The following IP6K1 variants were observed in gnomAD, a reference collection of about 807,000 sequenced individuals.
IP6K1 encodes the protein ATP:1D-myo-inositol-hexakisphosphate phosphotransferase.
Under a neutral mutation model 38.3 loss-of-function variants are expected in IP6K1, and 13 were observed. That is an observed-to-expected ratio of 0.34 (90% CI 0.22 to 0.54). The LOEUF (loss-of-function observed/expected upper bound fraction) is 0.54, where lower values mean the gene tolerates loss of function less well. IP6K1 is among the 20% of genes least tolerant of loss of function. The probability of loss-of-function intolerance (pLI) is 0.92; values close to 1 mark genes in which losing one functional copy is unlikely to be tolerated. For missense variants in IP6K1, 397 were observed against 599.8 expected (o/e 0.66, Z 3.53); for synonymous variants, 212 against 229.9 (o/e 0.92, Z 0.70).
rs1160403804 is a variant in IP6K1, at chr3:49,782,946, C to T, written c.-129+3408G>A. ...CCAACATGGCAAAACCCCGGCTCTA[C>T]TAAAAAAAAAAAAAAAAAAAAAAAT... is the stretch of plus-strand genomic sequence containing the variant. On this transcript the variant is annotated intron_variant, in intron 1 of 5. Transcript: ENST00000321599. Among the ~76,000 whole-genome samples, 7 of 109,960 alleles carry T rather than the reference C, an allele frequency of 6.4e-5. No homozygotes were observed. The South Asian group carries it at 9.1e-4, about 14-fold the overall frequency. The allele number at this position is 109,960 out of a possible 152,430, so 72.1% of individuals were successfully genotyped here.
intron 2 of IP6K1, among the ~76,000 whole-genome samples, chr3:49,739,200 C>A (rs1226832856): frequency 1.3e-5 from 2 of 152,106 alleles, no homozygotes. Flanking sequence ...TGTCTGTCAG[C>A]TACATTTCTG....
chr3:49,775,552 TG>T, intron 1 of IP6K1: 2 of 1,019,518 alleles, frequency 2.0e-6, no homozygotes, highest in Non-Finnish European at 1.4e-6. Flanking sequence ...ATTGTCAATT[TG>T]GGGAGCTCTA....
At chr3:49,742,473 C>T (rs13086465) in intron 2 of IP6K1, among the ~76,000 whole-genome samples, 39,731 of 151,914 alleles carry the variant, frequency 0.26, 5,468 homozygotes, top group Non-Finnish European at 0.31. Context: ...GGCGTGAGCC[C>T]GGGAGGCAGA....
At position 49,726,916 on chromosome 3, in the gene IP6K1, G is replaced by T; in HGVS notation, c.*206C>A. ...ACACCAGTCAGAGCCACAAAGCTGAGGAGCCTGGCTGAGAGGGCGTGTGGT... is the reference window on the plus strand; with the variant it reads ...ACACCAGTCAGAGCCACAAAGCTGATGAGCCTGGCTGAGAGGGCGTGTGGT... On this transcript the variant is annotated 3_prime_UTR_variant, in exon 6 of 6. Coordinates refer to ENST00000321599, the MANE Select transcript of IP6K1 (RefSeq NM_153273.4). The T allele has an allele frequency of 1.8e-6, 1 of 559,824 alleles. No homozygotes were observed. Among genetic ancestry groups the T allele is most frequent in the Non-Finnish European group, 3.1e-6 (1 of 325,608 alleles). 34.7% of individuals were successfully genotyped at this position (559,824 alleles called of 1,614,324 possible).
intron 1 of IP6K1, among the ~76,000 whole-genome samples, chr3:49,773,472 G>A (rs1341056073): frequency 2.6e-5 from 4 of 152,236 alleles, no homozygotes; most frequent in East Asian, 1.9e-4. Context: ...TTAGCTGGGC[G>A]TGGTGGCGGG....
Position 49,744,354 on chromosome 3 carries a change from A to G in IP6K1, c.223+3464T>C, listed in dbSNP as rs1043507586. On this transcript the variant is annotated intron_variant, in intron 2 of 5. Transcript: ENST00000321599. ...GGGGCAGAGCTTGCAGTGAGGCGAG[A>G]CTGCGCCACTGCACTCCAACCTGGA... Among the ~76,000 whole-genome samples the G allele has an allele frequency of 1.3e-4, 18 of 137,234 alleles. No individual in the cohort carries two copies. The Admixed American group carries it at 1.5e-3, about 12-fold the overall frequency. 90.0% of individuals were successfully genotyped at this position (137,234 alleles called of 152,430 possible).
At chr3:49,736,440 T>C (rs1461951352) in intron 3 of IP6K1, among the ~76,000 whole-genome samples, 1 of 152,196 alleles carries the variant, frequency 6.6e-6, no homozygotes, top group African/African-American at 2.4e-5. Context: ...ATTTGCCTGA[T>C]GTGAACACTT....
chr3:49,772,918 T>G (rs1025179057), intron 1 of IP6K1, among the ~76,000 whole-genome samples: 80 of 151,690 alleles, frequency 5.3e-4, no homozygotes, highest in African/African-American at 1.8e-3. Flanking sequence ...CCAACTCCTA[T>G]GCTCAAGTGA....
intron 1 of IP6K1, among the ~76,000 whole-genome samples, chr3:49,764,738 G>C (rs2080895779): frequency 2.6e-5 from 4 of 151,958 alleles, no homozygotes; most frequent in Admixed American, 2.6e-4. Context: ...AATTAGCCTG[G>C]CGTGGTAGTG....
rs905183197 is a variant in IP6K1 at position 49,725,464 on chromosome 3, G to C, written c.*1658C>G. ...CCTGCCCACCAGTGGCACCAGGGCT[G>C]GGGGCTAGGAGAGATGGCATCCATC... On this transcript the variant is annotated 3_prime_UTR_variant, in exon 6 of 6. Transcript: ENST00000321599. The C allele has an allele frequency of 2.6e-5, 4 of 152,360 alleles. No individual in the cohort carries two copies. The highest frequency in any genetic ancestry group is 6.5e-5 in the Admixed American group (1 of 15,286). 9.4% of individuals were successfully genotyped at this position (152,360 alleles called of 1,614,324 possible).
intron 2 of IP6K1, among the ~76,000 whole-genome samples, chr3:49,741,692 C>A (rs2080670374): frequency 6.6e-6 from 1 of 152,204 alleles, no homozygotes; most frequent in South Asian, 2.1e-4. Context: ...ACATTCAAAA[C>A]ACTGAAGGCC....
intron 4 of IP6K1, among the ~76,000 whole-genome samples, chr3:49,732,178 C>CCTCA (rs2080568351): frequency 6.6e-6 from 1 of 152,138 alleles, no homozygotes; most frequent in Non-Finnish European, 1.5e-5. Context: ...GATCCTCCTG[C>CCTCA]CTCAGCCTCC....
chr3:49,743,638 G>T (rs1418090267), intron 2 of IP6K1, among the ~76,000 whole-genome samples: 2 of 131,076 alleles, frequency 1.5e-5, no homozygotes, highest in Non-Finnish European at 3.2e-5. Context: ...TTTTTTTTGA[G>T]ACAAGAGTTT....
intron 2 of IP6K1, 69 bp from the exon 3 acceptor site, chr3:49,738,491 G>A: frequency 8.2e-7 from 1 of 1,224,278 alleles, no homozygotes; most frequent in South Asian, 1.2e-5. Context: ...CAGACTGTTG[G>A]CACTCACTTT....
At chr3:49,741,850 G>A (rs1309867024) in intron 2 of IP6K1, among the ~76,000 whole-genome samples, 1 of 152,200 alleles carries the variant, frequency 6.6e-6, no homozygotes, top group Non-Finnish European at 1.5e-5. Flanking sequence ...ACAACCATCA[G>A]AACTGGGACA....
chr3:49,775,617 G>T, intron 1 of IP6K1: 1 of 919,126 alleles, frequency 1.1e-6, no homozygotes. Flanking sequence ...AGAGGTGATT[G>T]GTGGGTGGCC....
intron 1 of IP6K1, among the ~76,000 whole-genome samples, chr3:49,756,242 C>T (rs768899264): frequency 1.3e-5 from 2 of 152,180 alleles, no homozygotes; most frequent in Non-Finnish European, 2.9e-5. Flanking sequence ...AAAAAGGAAA[C>T]TTAGCAGGGG....
chr3:49,738,011 T>C (rs1446036228), intron 3 of IP6K1, among the ~76,000 whole-genome samples: 1 of 152,168 alleles, frequency 6.6e-6, no homozygotes, highest in African/African-American at 2.4e-5. Flanking sequence ...ACTTCCTCTC[T>C]CAACCAGCTA....
intron 3 of IP6K1, among the ~76,000 whole-genome samples, chr3:49,734,484 C>T (rs1472806781): frequency 6.8e-6 from 1 of 147,662 alleles, no homozygotes; most frequent in Non-Finnish European, 1.5e-5. Flanking sequence ...AACTGCAGGC[C>T]TCTCCTCTAA....
Sources: allele counts gnomAD v4.1 joint callset (sites outside exome capture counted in the v4.1 genomes callset), GRCh38; gene constraint gnomAD v4.1.1; transcripts MANE v1.5; gene names NCBI Gene and HGNC (gene_info 2026-07-23, HGNC 2026-07-21).